The following MYLK variants were observed in gnomAD, a reference collection of about 807,000 sequenced individuals.
MYLK encodes myosin light chain kinase, smooth muscle.
A neutral mutation model predicts 203.4 loss-of-function variants in MYLK; 106 were observed. The observed-to-expected ratio is 0.52, with a 90% confidence interval of 0.45 to 0.61. The LOEUF is 0.61. MYLK is among the 20% of genes least tolerant of loss of function. The probability of loss-of-function intolerance (pLI) is 0.00; values close to 1 mark genes in which losing one functional copy is unlikely to be tolerated. For missense variants in MYLK, 2,072 were observed against 2,442.3 expected (o/e 0.85, Z 3.20); for synonymous variants, 867 against 959.5 (o/e 0.90, Z 1.78).
chr3:123,799,526 G>A (rs1399234850), intron 3 of MYLK, among the ~76,000 whole-genome samples: 1 of 152,106 alleles, frequency 6.6e-6, no homozygotes, highest in Non-Finnish European at 1.5e-5. Flanking sequence ...CAGTTTGCCG[G>A]GCATCTTGGA....
chr3:123,785,084 A>C (rs1055107076), intron 4 of MYLK, among the ~76,000 whole-genome samples: 2 of 152,242 alleles, frequency 1.3e-5, no homozygotes, highest in African/African-American at 4.8e-5. Context: ...CAAATCCTTT[A>C]ATCTCAAATA....
intron 4 of MYLK, among the ~76,000 whole-genome samples, chr3:123,769,016 C>T (rs1045352868): frequency 4.6e-5 from 7 of 152,212 alleles, no homozygotes; most frequent in Admixed American, 2.0e-4. Flanking sequence ...CTATTATCTA[C>T]AGTGGTCACA....
chr3:123,701,680 C>T lies in MYLK; in HGVS notation c.2391-171G>A, dbSNP rs540452856. Among the ~76,000 whole-genome samples, 89 of 152,318 alleles carry T rather than the reference C, an allele frequency of 5.8e-4. No individual in the cohort carries two copies. The South Asian group carries it at 0.013, about 22-fold the overall frequency. ...GGGCAGGACCCTCTCACTGTGTGGT[C>T]ACCCTTTATTTTCTCAGCTCTTATT... On this transcript the variant is annotated intron_variant, in intron 16 of 33. Coordinates refer to ENST00000360304, the MANE Select transcript of MYLK (RefSeq NM_053025.4).
In MYLK at chr3:123,703,652, C is replaced by T. The variant is rs1267655626; in HGVS notation, c.2391-2143G>A. Among the ~76,000 whole-genome samples, 15 of 151,750 alleles carry T rather than the reference C, an allele frequency of 9.9e-5. No homozygotes were observed. The East Asian group carries it at 2.8e-3, about 28-fold the overall frequency. On this transcript the variant is annotated intron_variant, in intron 16 of 33. Transcript: ENST00000360304. ...CCCGAGTTCTCAACACTTAAAAAGG[C>T]TTATGGACTTTGGGTGAGCTTGTAG...
chr3:123,665,392 T>C (rs189005383), intron 22 of MYLK, among the ~76,000 whole-genome samples: 1 of 152,240 alleles, frequency 6.6e-6, no homozygotes, highest in Non-Finnish European at 1.5e-5. Flanking sequence ...AGGGCAAACA[T>C]GCTCTGGGAT....
At chr3:123,801,729 A>G (rs1232649978) in intron 3 of MYLK, among the ~76,000 whole-genome samples, 1 of 152,196 alleles carries the variant, frequency 6.6e-6, no homozygotes, top group Non-Finnish European at 1.5e-5. Flanking sequence ...GCCTCCAGCT[A>G]TACCCATGTT....
intron 20 of MYLK, chr3:123,681,149 CT>C (rs1486789732): frequency 6.6e-6 from 1 of 152,044 alleles, no homozygotes; most frequent in Non-Finnish European, 1.5e-5. Flanking sequence ...TAAGAGTTCC[CT>C]TTTTTCTTCT....
intron 13 of MYLK, 148 bp downstream of exon 13, chr3:123,721,980 C>A: frequency 2.9e-6 from 3 of 1,031,368 alleles, no homozygotes; most frequent in Non-Finnish European, 4.4e-6. Context: ...ACGGCACCTG[C>A]CGCTGCCAGT....
At position 123,701,550 on chromosome 3, in the gene MYLK, T is replaced by C. The variant is rs550669244; in HGVS notation, c.2391-41A>G. On this transcript the variant is annotated intron_variant, in intron 16 of 33. Coordinates refer to ENST00000360304, the MANE Select transcript of MYLK (RefSeq NM_053025.4). The stretch of plus-strand genomic sequence containing the variant: ...GATCAATAAAGATCAAGAGGCCCTC[T>C]GGGCAAAGGGCCTGTTCAGTGTGGA... 40 of 1,596,368 alleles carry C rather than the reference T, an allele frequency of 2.5e-5. No homozygotes were observed. The South Asian group carries it at 4.1e-4, about 16-fold the overall frequency.
In MYLK at chr3:123,745,604, A is replaced by G. The variant is rs1416344376; in HGVS notation, c.374-5603T>C. Among the ~76,000 whole-genome samples the G allele has an allele frequency of 2.2e-4, 34 of 152,148 alleles. 1 individual carries two copies. Among genetic ancestry groups the G allele is most frequent in the Admixed American group, 2.2e-3 (34 of 15,284 alleles). On this transcript the variant is annotated intron_variant, in intron 5 of 33. Coordinates refer to ENST00000360304, the MANE Select transcript of MYLK (RefSeq NM_053025.4). ...TGTTGAAGCTCTGACCAGTGCTTAT[A>G]TATACTAGGAACGGAATCCCTTTCT...
chr3:123,702,705 T>C (rs2061291901), intron 16 of MYLK, among the ~76,000 whole-genome samples: 1 of 152,182 alleles, frequency 6.6e-6, no homozygotes, highest in African/African-American at 2.4e-5. Flanking sequence ...AAAGGTAAAG[T>C]AGTCCAGGCG....
At chr3:123,869,550 T>G (rs11915411) in intron 2 of MYLK, among the ~76,000 whole-genome samples, 15,161 of 152,066 alleles carry the variant, frequency 0.1, 1,194 homozygotes, top group East Asian at 0.36. Context: ...CTTTCAGCTC[T>G]GAAATATTCT....
chr3:123,750,674 T>C (rs914787254), intron 5 of MYLK, among the ~76,000 whole-genome samples: 1 of 152,172 alleles, frequency 6.6e-6, no homozygotes, highest in Non-Finnish European at 1.5e-5. Flanking sequence ...GCTTTCTCAA[T>C]TTCCCCAGCT....
chr3:123,624,984 A>G (rs1208985621), intron 31 of MYLK: 1 of 152,138 alleles, frequency 6.6e-6, no homozygotes, highest in African/African-American at 2.4e-5. Context: ...CCTCCAACAC[A>G]GTGATTTCCC....
Position 123,647,447 on chromosome 3 carries a change from G to T in MYLK, c.4416-20C>A. On this transcript the variant is annotated intron_variant, in intron 26 of 33. Transcript: ENST00000360304. ...TTCCCACTGCAAATGAAAGGGGGAG[G>T]AGAGAAAAGCCACATTTAGCCAAGC... 1 of 1,611,550 alleles carries T rather than the reference G, an allele frequency of 6.2e-7. No individual in the cohort carries two copies. The highest frequency in any genetic ancestry group is 8.5e-7 in the Non-Finnish European group (1 of 1,177,712).
intron 18 of MYLK, among the ~76,000 whole-genome samples, chr3:123,694,141 T>C (rs1053682379): frequency 3.3e-5 from 5 of 152,178 alleles, no homozygotes; most frequent in Admixed American, 3.3e-4. Flanking sequence ...AAGGGTGTAA[T>C]ATTCCCCTTT....
Position 123,815,338 on chromosome 3 carries a change from C to T in MYLK, c.-4+16210G>A, listed in dbSNP as rs138924653. Reference sequence around the variant, plus strand: ...CAAGTATCAGGTCCAGGGATTCCTACATGGTTTGAAGGGATGTACACTTAG... The same window carrying T: ...CAAGTATCAGGTCCAGGGATTCCTATATGGTTTGAAGGGATGTACACTTAG... On this transcript the variant is annotated intron_variant, in intron 3 of 33. Transcript: ENST00000360304. 1.4e-4 allele frequency among the ~76,000 whole-genome samples: 21 copies of T among 152,280 alleles called. 1 individual carries two copies. The East Asian group carries it at 2.1e-3, about 15-fold the overall frequency.
chr3:123,698,320 T>C (rs1253244791), intron 18 of MYLK, among the ~76,000 whole-genome samples: 2 of 152,164 alleles, frequency 1.3e-5, no homozygotes, highest in South Asian at 2.1e-4. Context: ...AGAGAGGCCA[T>C]GCAGGGACCA....
At chr3:123,802,958 C>G (rs966188303) in intron 3 of MYLK, among the ~76,000 whole-genome samples, 2 of 152,050 alleles carry the variant, frequency 1.3e-5, no homozygotes, top group South Asian at 4.2e-4. Flanking sequence ...CCATGCCCCC[C>G]ACTCCATTCT....
Sources: allele counts gnomAD v4.1 joint callset (sites outside exome capture counted in the v4.1 genomes callset), GRCh38; gene constraint gnomAD v4.1.1; transcripts MANE v1.5; gene names NCBI Gene and HGNC (gene_info 2026-07-23, HGNC 2026-07-21).